The following USP6NL variants were observed in gnomAD, a reference collection of about 807,000 sequenced individuals.
USP6NL encodes the protein USP6 N-terminal-like protein.
Under a neutral mutation model 61.9 loss-of-function variants are expected in USP6NL, and 26 were observed. That is an observed-to-expected ratio of 0.42 (90% confidence interval 0.31 to 0.58). USP6NL has a LOEUF of 0.58. Ranked by LOEUF, USP6NL falls within the 20% of genes least tolerant of loss-of-function variation. USP6NL has a pLI of 0.16. For missense variants in USP6NL, 1,114 were observed against 1,034.3 expected (o/e 1.08, Z -1.06); for synonymous variants, 432 against 390.1 (o/e 1.11, Z -1.27).
Position 11,540,381 on chromosome 10 carries a change from C to A in USP6NL, c.5-12814G>T, listed in dbSNP as rs1251546086. On this transcript the variant is annotated intron_variant, in intron 2 of 14. Coordinates refer to ENST00000609104, the MANE Select transcript of USP6NL (RefSeq NM_014688.5). The surrounding 1 kb of genome is among the most constrained non-coding windows in gnomAD (Gnocchi z 5.0). The stretch of plus-strand genomic sequence containing the variant: ...TTGACACAATAATCATCAAATGACA[C>A]TGAACTTTACTAAAACACTTTATCC... Among the ~76,000 whole-genome samples, 1 of 152,176 alleles carries A rather than the reference C, an allele frequency of 6.6e-6. No homozygotes were observed. Among genetic ancestry groups the A allele is most frequent in the Admixed American group, 6.5e-5 (1 of 15,272 alleles).
Position 11,499,524 on chromosome 10 carries a change from G to T in USP6NL, c.384+1577C>A, listed in dbSNP as rs571723128. Among the ~76,000 whole-genome samples the T allele has an allele frequency of 6.6e-6, 1 of 152,150 alleles. No individual in the cohort carries two copies. The highest frequency in any genetic ancestry group is 1.5e-5 in the Non-Finnish European group (1 of 68,026). On this transcript the variant is annotated intron_variant, in intron 7 of 14. Transcript: ENST00000609104. This position sits in a 1 kb window ranked among gnomAD's most constrained non-coding sequence, Gnocchi z 4.5. The stretch of plus-strand genomic sequence containing the variant: ...CTCATCTGGAAATGGGGCCTCTGCC[G>T]GGGTAATCAAGTTAGGATGAGGTCA...
rs144020636 is a variant in USP6NL at position 11,479,502 on chromosome 10, C to T, written c.1078+2268G>A. Among the ~76,000 whole-genome samples the T allele has an allele frequency of 1.2e-3, 177 of 150,784 alleles. 1 individual carries two copies. The highest frequency in any genetic ancestry group is 0.01 in the Middle Eastern group (3 of 286). On this transcript the variant is annotated intron_variant, in intron 14 of 14. Transcript: ENST00000609104. ...AAAACAGGCCTCATTGCACATGACTCGGGGGAGTTCACACTGCCACATTAT... is the reference window on the plus strand; with the variant it reads ...AAAACAGGCCTCATTGCACATGACTTGGGGGAGTTCACACTGCCACATTAT...
In USP6NL at chr10:11,532,046, G is replaced by T; in HGVS notation, c.5-4479C>A. ...CACTAAATTAGCACCAAACTGCAATGAAAAATTCATACAAAGTTACTAAGG... is the reference window on the plus strand; with the variant it reads ...CACTAAATTAGCACCAAACTGCAATTAAAAATTCATACAAAGTTACTAAGG... On this transcript the variant is annotated intron_variant, in intron 2 of 14. Coordinates refer to ENST00000609104, the MANE Select transcript of USP6NL (RefSeq NM_014688.5). This position sits in a 1 kb window ranked among gnomAD's most constrained non-coding sequence, Gnocchi z 4.1. 1.5e-6 allele frequency: 1 copy of T among 682,434 alleles called. No individual in the cohort carries two copies. Among genetic ancestry groups the T allele is most frequent in the Non-Finnish European group, 2.4e-6 (1 of 413,568 alleles). 42.3% of individuals were successfully genotyped at this position (682,434 alleles called of 1,614,324 possible). A position where few individuals can be genotyped will look rare whatever the true frequency, so the allele number is the denominator to read the frequency against.
chr10:11,573,556 A>T (rs1207151481), intron 2 of USP6NL: 1 of 398,610 alleles, frequency 2.5e-6, no homozygotes, highest in Non-Finnish European at 4.4e-6. Flanking sequence ...CATACTTAGC[A>T]AAATCTGAGT....
In USP6NL at chr10:11,561,998, A is replaced by T. The variant is rs547986067; in HGVS notation, c.5-34431T>A. On this transcript the variant is annotated intron_variant, in intron 2 of 14. Coordinates refer to ENST00000609104, the MANE Select transcript of USP6NL (RefSeq NM_014688.5). The surrounding 1 kb of genome is among the most constrained non-coding windows in gnomAD (Gnocchi z 4.1). Reference sequence around the variant, plus strand: ...CTTTTTAAGCAAGGATGTTCTGAGTAAAAAAAAGAAATTTGCTCATGCCTG... The same window carrying T: ...CTTTTTAAGCAAGGATGTTCTGAGTTAAAAAAAGAAATTTGCTCATGCCTG... Among the ~76,000 whole-genome samples the T allele has an allele frequency of 6.6e-6, 1 of 151,756 alleles. No individual in the cohort carries two copies. Among genetic ancestry groups the T allele is most frequent in the African/African-American group, 2.4e-5 (1 of 41,134 alleles).
intron 4 of USP6NL, among the ~76,000 whole-genome samples, chr10:11,523,404 T>C (rs1051314845): frequency 2.0e-5 from 3 of 152,232 alleles, no homozygotes; most frequent in South Asian, 2.1e-4. Flanking sequence ...CTGGCACCTA[T>C]ATTCATTATT....
intron 2 of USP6NL, among the ~76,000 whole-genome samples, chr10:11,539,456 T>G (rs911329964): frequency 3.9e-5 from 6 of 152,256 alleles, no homozygotes; most frequent in Non-Finnish European, 8.8e-5. Flanking sequence ...TAGTAACTCC[T>G]ACATTTATGT....
chr10:11,543,803 G>GTTTTTTTTTT (rs781443038), intron 2 of USP6NL, among the ~76,000 whole-genome samples: 1 of 76,392 alleles, frequency 1.3e-5, no homozygotes, highest in East Asian at 5.0e-4. Flanking sequence ...AAATATTTAG[G>GTTTTTTTTTT]TTTTTTTTTT....
At position 11,462,908 on chromosome 10, in the gene USP6NL, T is replaced by A. The variant is rs2096221734; in HGVS notation, c.2020A>T (p.Thr674Ser). 2 of 1,612,860 alleles carry A rather than the reference T, an allele frequency of 1.2e-6. No individual in the cohort carries two copies. The highest frequency in any genetic ancestry group is 1.7e-6 in the Non-Finnish European group (2 of 1,179,550). Reference protein sequence around the residue: ...LNPSRRPHGSTLSVSASPEKS... With the variant: ...LNPSRRPHGSSLSVSASPEKS... ...TCCGGAGAAGCACTGACGGAAAGAG[T>A]AGAACCATGAGGTCTCCTGGAAGGA... is the stretch of plus-strand genomic sequence containing the variant. The change falls in exon 15 of 15, where the codon ACT becomes TCT. Residue 674 changes from threonine (T) to serine (S), a missense_variant. Transcript: ENST00000609104.
At chr10:11,550,756 A>T (rs933068591) in intron 2 of USP6NL, among the ~76,000 whole-genome samples, 1 of 152,062 alleles carries the variant, frequency 6.6e-6, no homozygotes, top group East Asian at 1.9e-4. Flanking sequence ...ACTCCGTCTC[A>T]AAAAATAAAT....
chr10:11,505,633 A>C (rs1262158108), intron 6 of USP6NL, among the ~76,000 whole-genome samples: 1 of 152,236 alleles, frequency 6.6e-6, no homozygotes, highest in East Asian at 1.9e-4. Context: ...AAAATCTTTA[A>C]AAAGTCTACA....
chr10:11,517,417 C>A (rs928235964), intron 5 of USP6NL, among the ~76,000 whole-genome samples: 4 of 152,212 alleles, frequency 2.6e-5, no homozygotes, highest in Non-Finnish European at 5.9e-5. Context: ...TATGGCCCCA[C>A]CAAGCCACCA....
chr10:11,527,914 GACAA>G (rs750599909), intron 2 of USP6NL, among the ~76,000 whole-genome samples: 5 of 152,114 alleles, frequency 3.3e-5, no homozygotes, highest in Non-Finnish European at 5.9e-5. Flanking sequence ...GGGTAGAAGA[GACAA>G]ACATTCAAAA....
chr10:11,559,012 T>C (rs1035216260), intron 2 of USP6NL, among the ~76,000 whole-genome samples: 1 of 152,228 alleles, frequency 6.6e-6, no homozygotes, highest in Non-Finnish European at 1.5e-5. Context: ...CGAGTTTGGT[T>C]ACAGACTTCT....
rs1028277692 is a variant in USP6NL at position 11,489,584 on chromosome 10, C to T, written c.544-362G>A. Among the ~76,000 whole-genome samples the T allele has an allele frequency of 6.6e-6, 1 of 152,192 alleles. No homozygotes were observed. The highest frequency in any genetic ancestry group is 2.4e-5 in the African/African-American group (1 of 41,442). ...GCAAAGTCTCCCCTTCTACAACACC[C>T]AGTATGCTGTCTTGTCTCCTCTAGA... On this transcript the variant is annotated intron_variant, in intron 9 of 14. Transcript: ENST00000609104. This position sits in a 1 kb window ranked among gnomAD's most constrained non-coding sequence, Gnocchi z 5.7.
At chr10:11,531,396 C>G (rs1189668972) in intron 2 of USP6NL, among the ~76,000 whole-genome samples, 1 of 151,958 alleles carries the variant, frequency 6.6e-6, no homozygotes, top group Non-Finnish European at 1.5e-5. Flanking sequence ...GATCTCAGCT[C>G]ACTGCAACCT....
rs1836977934 is a variant in USP6NL, at chr10:11,562,403, T to C, written c.5-34836A>G. ...ACCAACTTCAGATTTCCCCTTTTCC[T>C]TTTTCTTCTTGCTTGGCTCTTGGAC... On this transcript the variant is annotated intron_variant, in intron 2 of 14. Coordinates refer to ENST00000609104, the MANE Select transcript of USP6NL (RefSeq NM_014688.5). The surrounding 1 kb of genome is among the most constrained non-coding windows in gnomAD (Gnocchi z 4.8). 3 of 985,250 alleles carry C rather than the reference T, an allele frequency of 3.0e-6. No individual in the cohort carries two copies. In the Admixed American group the frequency reaches 1.8e-4, roughly 61 times the overall value. The allele number at this position is 985,250 out of a possible 1,614,324, so 61.0% of individuals were successfully genotyped here.
At chr10:11,545,581 G>A (rs1034294463) in intron 2 of USP6NL, among the ~76,000 whole-genome samples, 3 of 152,134 alleles carry the variant, frequency 2.0e-5, no homozygotes, top group Non-Finnish European at 2.9e-5. Context: ...TAATACAAAC[G>A]CTAAAGGCAT....
intron 1 of USP6NL, among the ~76,000 whole-genome samples, chr10:11,601,331 C>A (rs1053208150): frequency 2.0e-5 from 3 of 152,248 alleles, no homozygotes; most frequent in South Asian, 2.1e-4. Flanking sequence ...GAGACATACA[C>A]ATATGTAACA....
Sources: gnomAD v4.1 joint callset for allele counts (sites outside exome capture counted in the v4.1 genomes callset) on GRCh38, gnomAD v4.1.1 for gene constraint, Gnocchi (gnomAD v3.1) non-coding constraint, MANE v1.5 for transcripts, NCBI Gene and HGNC (gene_info 2026-07-23, HGNC 2026-07-21) for gene names.